SYNRG: variants seen among roughly 807,000 people sequenced by gnomAD.
The protein encoded by SYNRG is synergin gamma.
A neutral mutation model predicts 130.9 loss-of-function variants in SYNRG; 37 were observed. The observed-to-expected ratio is 0.28, with a 90% confidence interval of 0.22 to 0.37. SYNRG has a LOEUF of 0.37. Ranked by LOEUF, SYNRG falls within the 10% of genes least tolerant of loss-of-function variation. The pLI is 1.00. For missense variants in SYNRG, 1,338 were observed against 1,588.9 expected (o/e 0.84, Z 2.68); for synonymous variants, 539 against 568.1 (o/e 0.95, Z 0.73).
chr17:37,605,810 T>C (rs528203527), intron 1 of SYNRG: 86 of 985,094 alleles, frequency 8.7e-5, no homozygotes, highest in Middle Eastern at 5.2e-4. Flanking sequence ...AAAGCAGAGC[T>C]CTGTCACTTA....
chr17:37,524,511 GT>G (rs1371583867), intron 19 of SYNRG, among the ~76,000 whole-genome samples: 8 of 152,374 alleles, frequency 5.3e-5, no homozygotes, highest in African/African-American at 1.9e-4. Context: ...TGTTTCAACT[GT>G]GTGCAAAAGG....
At position 37,560,151 on chromosome 17, in the gene SYNRG, T is replaced by G. The variant is rs948506702; in HGVS notation, c.1663+1044A>C. Among the ~76,000 whole-genome samples, 4 of 151,894 alleles carry G rather than the reference T, an allele frequency of 2.6e-5. No individual in the cohort carries two copies. The South Asian group carries it at 8.3e-4, about 31-fold the overall frequency. On this transcript the variant is annotated intron_variant, in intron 13 of 21. Transcript: ENST00000612223. ...GTCTCAAACTCCTGGGCTCAAGCCA[T>G]CCTCCCACTCTGGCCTCCCAAAGTG...
At chr17:37,548,384 G>T (rs1198063039) in intron 14 of SYNRG, among the ~76,000 whole-genome samples, 2 of 152,192 alleles carry the variant, frequency 1.3e-5, no homozygotes, top group Non-Finnish European at 2.9e-5. Context: ...AAAGCAGTAT[G>T]CTCTGGAAAG....
At position 37,520,617 on chromosome 17, in the gene SYNRG, C is replaced by T; in HGVS notation, c.3698G>A (p.Cys1233Tyr). The part of the protein sequence containing the change: ...PDENSLDFSS[C>Y]MLRPGIKNAQ... The stretch of plus-strand genomic sequence containing the variant: ...ATTTTTAATCCCAGGCCGTAACATA[C>T]AGGAGGAAAAATCCAGCGAGTTTTC... The change falls in exon 20 of 22, where the codon TGT becomes TAT. Residue 1233 changes from cysteine (C) to tyrosine (Y), a missense_variant. By Grantham distance (194) the Cys-to-Tyr change is radical. This residue lies in a region of SYNRG where 1,146 missense variants were observed against 1,342.3 expected (regional missense o/e 0.85). Transcript: ENST00000612223. The T allele has an allele frequency of 6.2e-7, 1 of 1,614,184 alleles. No homozygotes were observed. Among genetic ancestry groups the T allele is most frequent in the Non-Finnish European group, 8.5e-7 (1 of 1,180,038 alleles).
rs760572709 is a variant in SYNRG, at chr17:37,539,259, A to T, written c.3367-14T>A. 6.2e-7 allele frequency: 1 copy of T among 1,613,800 alleles called. No homozygotes were observed. The highest frequency in any genetic ancestry group is 8.5e-7 in the Non-Finnish European group (1 of 1,179,936). ...TCTCTCATTTTCCTGTGAATTTGTT[A>T]AAAAGAACTGGGTTAAACACACAAA... is the stretch of plus-strand genomic sequence containing the variant. On this transcript the variant is annotated splice_polypyrimidine_tract_variant and intron_variant, in intron 16 of 21. Coordinates refer to ENST00000612223, the MANE Select transcript of SYNRG (RefSeq NM_007247.6).
intron 1 of SYNRG, among the ~76,000 whole-genome samples, chr17:37,603,654 A>C (rs1033737081): frequency 6.6e-6 from 1 of 152,206 alleles, no homozygotes; most frequent in Admixed American, 6.5e-5. Flanking sequence ...TTTTCAAAAG[A>C]AACTTTTTTC....
chr17:37,593,891 A>G (rs1486895702), intron 3 of SYNRG, among the ~76,000 whole-genome samples: 10 of 152,200 alleles, frequency 6.6e-5, no homozygotes, highest in African/African-American at 2.2e-4. Flanking sequence ...AAAAAAAAAA[A>G]AAAAATGGTG....
At chr17:37,547,395 T>C (rs1009018786) in intron 14 of SYNRG, among the ~76,000 whole-genome samples, 10 of 151,926 alleles carry the variant, frequency 6.6e-5, no homozygotes, top group African/African-American at 1.9e-4. Flanking sequence ...TTTTGGTTCT[T>C]TGCATTATTT....
At chr17:37,526,702 C>G (rs1474170004) in intron 19 of SYNRG, among the ~76,000 whole-genome samples, 1 of 152,194 alleles carries the variant, frequency 6.6e-6, no homozygotes, top group African/African-American at 2.4e-5. Context: ...CAGGTAGCAT[C>G]TGCCACTCTC....
chr17:37,570,704 A>G lies in SYNRG; in HGVS notation c.1280T>C (p.Val427Ala). Residue 427 changes from valine (V) to alanine (A), a missense_variant, in exon 10 of 22, where the codon GTT (valine) becomes GCT (alanine). Transcript: ENST00000612223. ...LGQPVMGINL[V>A]GPVGGAAAQA... ...GGCTGCAGCTCCACCCACTGGTCCA[A>G]CAAGGTTAATGCCCATGACTGGCTG... 6.2e-7 allele frequency: 1 copy of G among 1,614,216 alleles called. No homozygotes were observed. Among genetic ancestry groups the G allele is most frequent in the Non-Finnish European group, 8.5e-7 (1 of 1,180,026 alleles).
chr17:37,594,267 C>T (rs933332014), intron 3 of SYNRG, among the ~76,000 whole-genome samples: 31 of 125,814 alleles, frequency 2.5e-4, no homozygotes, highest in Non-Finnish European at 4.9e-4. Flanking sequence ...ATATTAATTA[C>T]AATAATATTA....
intron 19 of SYNRG, among the ~76,000 whole-genome samples, chr17:37,535,391 A>G (rs1288748807): frequency 6.6e-6 from 1 of 152,270 alleles, no homozygotes; most frequent in Admixed American, 6.5e-5. Flanking sequence ...TGCAACCAAT[A>G]TAAGCTATTT....
intron 3 of SYNRG, among the ~76,000 whole-genome samples, chr17:37,588,789 G>C (rs2061907023): frequency 6.9e-6 from 1 of 145,354 alleles, no homozygotes; most frequent in Admixed American, 6.9e-5. Flanking sequence ...AAATACAAAA[G>C]AAACTACCCA....
intron 14 of SYNRG, among the ~76,000 whole-genome samples, chr17:37,552,196 A>G (rs896422773): frequency 6.6e-6 from 1 of 152,202 alleles, no homozygotes; most frequent in Non-Finnish European, 1.5e-5. Context: ...TCATATGCAT[A>G]ATACATTTTC....
intron 2 of SYNRG, among the ~76,000 whole-genome samples, chr17:37,596,897 C>T (rs535517168): frequency 2.4e-4 from 37 of 152,278 alleles, no homozygotes; most frequent in African/African-American, 8.4e-4. Flanking sequence ...CAGGTGCCTG[C>T]CACCACGCCC....
chr17:37,535,546 C>T (rs2057110060), intron 19 of SYNRG, among the ~76,000 whole-genome samples: 1 of 152,038 alleles, frequency 6.6e-6, no homozygotes, highest in African/African-American at 2.4e-5. Flanking sequence ...CTACTCGTAA[C>T]AGGGAAAAAT....
At chr17:37,566,317 G>C (rs2059991467) in intron 11 of SYNRG, among the ~76,000 whole-genome samples, 1 of 148,412 alleles carries the variant, frequency 6.7e-6, no homozygotes, top group African/African-American at 2.5e-5. Context: ...TTGGGATCCT[G>C]TTGATCTGTG....
intron 19 of SYNRG, among the ~76,000 whole-genome samples, chr17:37,532,971 G>A (rs536250655): frequency 1.8e-4 from 28 of 152,216 alleles, no homozygotes; most frequent in Non-Finnish European, 3.1e-4. Context: ...GGCCTATATT[G>A]AGAAATGTAA....
chr17:37,574,447 C>CA (rs1183446937), intron 8 of SYNRG, among the ~76,000 whole-genome samples: 1 of 152,098 alleles, frequency 6.6e-6, no homozygotes, highest in African/African-American at 2.4e-5. Flanking sequence ...GCAAAGGAAA[C>CA]AATCAACAAA....
Sources: gnomAD v4.1 joint callset for allele counts (sites outside exome capture counted in the v4.1 genomes callset) on GRCh38, gnomAD v4.1.1 for gene constraint, gnomAD v4.1.1 regional missense constraint, MANE v1.5 for transcripts, NCBI Gene and HGNC (gene_info 2026-07-23, HGNC 2026-07-21) for gene names.